The following RTL10 variants were observed in gnomAD, a reference collection of about 807,000 sequenced individuals.
RTL10 encodes protein Bop.
For missense variants in RTL10, 477 were observed against 470.7 expected (o/e 1.01, Z -0.12); for synonymous variants, 199 against 188.4 (o/e 1.06, Z -0.46).
rs1372525076 is a variant in RTL10 at position 19,852,104 on chromosome 22, C to G, written c.158G>C (p.Gly53Ala). ...VDPWIERPCC[G>A]DTVCVRTTME... ...GGTCGTTCGCACACACACGGTGTCC[C>G]CACAGCAGGGCCGCTCAATCCAGGG... Residue 53 changes from glycine to alanine, a missense_variant, in exon 3 of 3, where the codon GGG becomes GCG. Coordinates refer to ENST00000328554, the MANE Select transcript of RTL10 (RefSeq NM_024627.6). 3 of 1,614,244 alleles carry G rather than the reference C, an allele frequency of 1.9e-6. No individual in the cohort carries two copies. The East Asian group carries it at 6.7e-5, about 36-fold the overall frequency.
In RTL10 at chr22:19,854,858, C is replaced by A. The variant is rs2145910735; in HGVS notation, c.-521G>T. Reference sequence around the variant, plus strand: ...TCGGGAACGCCTGCTCCTAGGAGCGCCGCGCAGCGTCCAGAGACCGATTAC... The same window carrying A: ...TCGGGAACGCCTGCTCCTAGGAGCGACGCGCAGCGTCCAGAGACCGATTAC... On this transcript the variant is annotated 5_prime_UTR_variant, in exon 1 of 3. Coordinates refer to ENST00000328554, the MANE Select transcript of RTL10 (RefSeq NM_024627.6). 6.6e-6 allele frequency: 1 copy of A among 152,366 alleles called. No homozygotes were observed. Among genetic ancestry groups the A allele is most frequent in the East Asian group, 1.9e-4 (1 of 5,174 alleles). 9.4% of individuals were successfully genotyped at this position (152,366 alleles called of 1,614,324 possible). A position where few individuals can be genotyped will look rare whatever the true frequency, so the allele number is the denominator to read the frequency against.
chr22:19,846,937 G>A lies in RTL10; in HGVS notation c.*4230C>T, dbSNP rs1937975577. On this transcript the variant is annotated 3_prime_UTR_variant, in exon 3 of 3. Coordinates refer to ENST00000328554, the MANE Select transcript of RTL10 (RefSeq NM_024627.6). ...ACAAACAGGTATGTTGCCCTGGGAT[G>A]GATGCAGGCCCCTCCCATCCTCCCA... 2 of 985,348 alleles carry A rather than the reference G, an allele frequency of 2.0e-6. No homozygotes were observed. The highest frequency in any genetic ancestry group is 6.1e-5 in the Admixed American group (1 of 16,272). The allele number at this position is 985,348 out of a possible 1,614,324, so 61.0% of individuals were successfully genotyped here. A position where few individuals can be genotyped will look rare whatever the true frequency, so the allele number is the denominator to read the frequency against.
chr22:19,852,363 C>T lies in RTL10; in HGVS notation c.-102G>A, dbSNP rs937001742. ...ACACAACAGGACAGGGATGGCTGAA[C>T]AGGGCGTGGCAGACCCGCACTGGTC... is the stretch of plus-strand genomic sequence containing the variant. On this transcript the variant is annotated 5_prime_UTR_variant, in exon 3 of 3. Transcript: ENST00000328554. 2 of 1,294,624 alleles carry T rather than the reference C, an allele frequency of 1.5e-6. No individual in the cohort carries two copies. Among genetic ancestry groups the T allele is most frequent in the Non-Finnish European group, 2.1e-6 (2 of 930,664 alleles). The allele number at this position is 1,294,624 out of a possible 1,614,324, so 80.2% of individuals were successfully genotyped here. A position where few individuals can be genotyped will look rare whatever the true frequency, so the allele number is the denominator to read the frequency against.
At position 19,846,625 on chromosome 22, in the gene RTL10, T is replaced by C; in HGVS notation, c.*4542A>G. The C allele has an allele frequency of 1.1e-6, 1 of 889,706 alleles. No homozygotes were observed. Among genetic ancestry groups the C allele is most frequent in the Non-Finnish European group, 1.3e-6 (1 of 742,434 alleles). 55.1% of individuals were successfully genotyped at this position (889,706 alleles called of 1,614,324 possible). On this transcript the variant is annotated 3_prime_UTR_variant, in exon 3 of 3. Coordinates refer to ENST00000328554, the MANE Select transcript of RTL10 (RefSeq NM_024627.6). Reference sequence around the variant, plus strand: ...ATTTTTATGTTCAAGTCCTAACCCCTAGTACTTACATTTGAAGACAGGGTC... The same window carrying C: ...ATTTTTATGTTCAAGTCCTAACCCCCAGTACTTACATTTGAAGACAGGGTC...
chr22:19,852,327 T>C lies in RTL10; in HGVS notation c.-66A>G, dbSNP rs1601359579. 5 of 1,517,370 alleles carry C rather than the reference T, an allele frequency of 3.3e-6. No homozygotes were observed. In the East Asian group the frequency reaches 9.1e-5, roughly 28 times the overall value. The allele number at this position is 1,517,370 out of a possible 1,614,324, so 94.0% of individuals were successfully genotyped here. A position where few individuals can be genotyped will look rare whatever the true frequency, so the allele number is the denominator to read the frequency against. ...TGGGTGGTGGGGGTGTGGACAGATG[T>C]GGCTTGCACGACACAACAGGACAGG... On this transcript the variant is annotated 5_prime_UTR_variant, in exon 3 of 3. Transcript: ENST00000328554.
In RTL10 at chr22:19,851,254, T is replaced by TC; in HGVS notation, c.1007dup (p.Asp337ArgfsTer135). On this transcript the variant is annotated frameshift_variant, in exon 3 of 3. Transcript: ENST00000328554. LOFTEE classifies it low-confidence loss of function (END_TRUNC). ...GGGTACCTAAGGACACCTCCTGGTC[T>TC]CCCTCTGTCTCCAAAACCTCCTCCT... The TC allele has an allele frequency of 3.7e-6, 6 of 1,608,168 alleles. No homozygotes were observed. Among genetic ancestry groups the TC allele is most frequent in the Non-Finnish European group, 5.1e-6 (6 of 1,177,000 alleles).
Position 19,852,194 on chromosome 22 carries a change from T to C in RTL10, c.68A>G (p.Asn23Ser), listed in dbSNP as rs759266446. The change falls in exon 3 of 3, where the codon AAC becomes AGC. Residue 23 changes from asparagine (N) to serine (S), a missense_variant. Coordinates refer to ENST00000328554, the MANE Select transcript of RTL10 (RefSeq NM_024627.6). ...IPIWAAANYA[N>S]AHPWQQMDKA... is the part of the protein sequence containing the mutation. ...GTCCATCTGCTGCCATGGATGTGCG[T>C]TGGCATAATTGGCGGCTGCCCAGAT... The C allele has an allele frequency of 9.3e-6, 15 of 1,613,782 alleles. No homozygotes were observed. The highest frequency in any genetic ancestry group is 3.3e-5 in the Admixed American group (2 of 60,020).
intron 2 of RTL10, among the ~76,000 whole-genome samples, chr22:19,853,471 C>T (rs769203751): frequency 2.2e-4 from 34 of 152,180 alleles, no homozygotes; most frequent in African/African-American, 9.7e-5. Context: ...TCTCTGCAAA[C>T]GGAGGCCCAC....
chr22:19,850,091 TTC>T lies in RTL10; in HGVS notation c.*1074_*1075del. 1 of 983,350 alleles carries T rather than the reference TTC, an allele frequency of 1.0e-6. No homozygotes were observed. The highest frequency in any genetic ancestry group is 1.2e-6 in the Non-Finnish European group (1 of 828,466). 60.9% of individuals were successfully genotyped at this position (983,350 alleles called of 1,614,324 possible). A position where few individuals can be genotyped will look rare whatever the true frequency, so the allele number is the denominator to read the frequency against. ...CACCCCCTACTCAGCCCCACCCAGC[TTC>T]TTTGATCAGACCCTTGGACCCTCAA... is the stretch of plus-strand genomic sequence containing the variant. On this transcript the variant is annotated 3_prime_UTR_variant, in exon 3 of 3. Coordinates refer to ENST00000328554, the MANE Select transcript of RTL10 (RefSeq NM_024627.6).
Position 19,851,510 on chromosome 22 carries a change from C to T in RTL10, c.752G>A (p.Arg251Lys). Residue 251 changes from arginine (R) to lysine (K), a missense_variant, in exon 3 of 3, where the codon AGA becomes AAA. By Grantham distance (26) the Arg-to-Lys change is conservative. Coordinates refer to ENST00000328554, the MANE Select transcript of RTL10 (RefSeq NM_024627.6). ...PAVSGSNSVSRSALFEQQLTK... is the reference protein window; with the variant it reads ...PAVSGSNSVSKSALFEQQLTK... ...CAGCTGCTGCTCGAACAGAGCACTT[C>T]TAGATACAGAGTTGGACCCAGACAC... 1.2e-6 allele frequency: 2 copies of T among 1,614,132 alleles called. No individual in the cohort carries two copies. Among genetic ancestry groups the T allele is most frequent in the Non-Finnish European group, 1.7e-6 (2 of 1,180,008 alleles).
Position 19,847,740 on chromosome 22 carries a change from G to GTCCACTTC in RTL10, c.*3419_*3426dup. 1 of 970,156 alleles carries GTCCACTTC rather than the reference G, an allele frequency of 1.0e-6. No individual in the cohort carries two copies. The highest frequency in any genetic ancestry group is 1.2e-6 in the Non-Finnish European group (1 of 824,300). 60.1% of individuals were successfully genotyped at this position (970,156 alleles called of 1,614,324 possible). A position where few individuals can be genotyped will look rare whatever the true frequency, so the allele number is the denominator to read the frequency against. Reference sequence around the variant, plus strand: ...GTATTCCCACCAACAGTATGAGAAGGTCCACTTCTCCATACCTCCACAACT... The same window carrying GTCCACTTC: ...GTATTCCCACCAACAGTATGAGAAGGTCCACTTCTCCACTTCTCCATACCTCCACAACT... On this transcript the variant is annotated 3_prime_UTR_variant, in exon 3 of 3. Coordinates refer to ENST00000328554, the MANE Select transcript of RTL10 (RefSeq NM_024627.6).
chr22:19,851,930 G>A lies in RTL10; in HGVS notation c.332C>T (p.Pro111Leu), dbSNP rs144744793. The A allele has an allele frequency of 1.6e-4, 266 of 1,614,068 alleles. No individual in the cohort carries two copies. The highest frequency in any genetic ancestry group is 3.3e-4 in the Middle Eastern group (2 of 6,060). The change falls in exon 3 of 3, where the codon CCG (proline) becomes CTG (leucine). Residue 111 changes from proline (P) to leucine (L), a missense_variant. By Grantham distance (98) the Pro-to-Leu change is moderately conservative. Coordinates refer to ENST00000328554, the MANE Select transcript of RTL10 (RefSeq NM_024627.6). ...GGCCAAGAAGCGGTCCAGTAGCCAC[G>A]GGGAGCCATCAAAGGTGCCTGGGTC... ...GSDPGTFDGS[P>L]WLLDRFLAQL...
In RTL10 at chr22:19,851,372, G is replaced by C; in HGVS notation, c.890C>G (p.Pro297Arg). 6.2e-7 allele frequency: 1 copy of C among 1,614,144 alleles called. No homozygotes were observed. The highest frequency in any genetic ancestry group is 8.5e-7 in the Non-Finnish European group (1 of 1,180,010). The change falls in exon 3 of 3, where the codon CCC becomes CGC. Residue 297 changes from proline to arginine, a missense_variant. Physicochemically the swap from Pro to Arg is moderately radical, Grantham distance 103 (BLOSUM62 -2). Coordinates refer to ENST00000328554, the MANE Select transcript of RTL10 (RefSeq NM_024627.6). ...CTCCGACAGTCTAGGGACAGGTGTGGGGGCTGCCTCCTCTGGCTGGGAAGA... is the reference window on the plus strand; with the variant it reads ...CTCCGACAGTCTAGGGACAGGTGTGCGGGCTGCCTCCTCTGGCTGGGAAGA... The part of the protein sequence containing the change: ...PASSQPEEAA[P>R]TPVPRLSESA...
rs1208670854 is a variant in RTL10, at chr22:19,847,876, T to C, written c.*3291A>G. On this transcript the variant is annotated 3_prime_UTR_variant, in exon 3 of 3. Coordinates refer to ENST00000328554, the MANE Select transcript of RTL10 (RefSeq NM_024627.6). ...TTCATAATTGTAACATTGAAATCTT[T>C]AATCTGGAATATGTACTGGCATAAA... 1.0e-6 allele frequency: 1 copy of C among 973,012 alleles called. No homozygotes were observed. Among genetic ancestry groups the C allele is most frequent in the Non-Finnish European group, 1.2e-6 (1 of 820,044 alleles). The allele number at this position is 973,012 out of a possible 1,614,324, so 60.3% of individuals were successfully genotyped here. A position where few individuals can be genotyped will look rare whatever the true frequency, so the allele number is the denominator to read the frequency against.
Position 19,850,804 on chromosome 22 carries a change from C to A in RTL10, c.*363G>T. The A allele has an allele frequency of 7.7e-7, 1 of 1,293,110 alleles. No individual in the cohort carries two copies. The highest frequency in any genetic ancestry group is 1.5e-5 in the African/African-American group (1 of 66,382). 80.1% of individuals were successfully genotyped at this position (1,293,110 alleles called of 1,614,324 possible). ...TCAGTCCCAGCCAGTGTGGAAGACA[C>A]CAAGGGGGGTGTTTTATGGGGGTGG... On this transcript the variant is annotated 3_prime_UTR_variant, in exon 3 of 3. Coordinates refer to ENST00000328554, the MANE Select transcript of RTL10 (RefSeq NM_024627.6).
In RTL10 at chr22:19,851,132, C is replaced by G. The variant is rs745883853; in HGVS notation, c.*35G>C. On this transcript the variant is annotated 3_prime_UTR_variant, in exon 3 of 3. Coordinates refer to ENST00000328554, the MANE Select transcript of RTL10 (RefSeq NM_024627.6). ...GCTCAAGCCACACAGGCCACTTCATCATGAGGGGCAGCATTGTTCCCACCT... is the reference window on the plus strand; with the variant it reads ...GCTCAAGCCACACAGGCCACTTCATGATGAGGGGCAGCATTGTTCCCACCT... 15 of 1,547,064 alleles carry G rather than the reference C, an allele frequency of 9.7e-6. No homozygotes were observed. The highest frequency in any genetic ancestry group is 1.1e-5 in the Non-Finnish European group (13 of 1,145,260).
Position 19,846,724 on chromosome 22 carries a change from G to A in RTL10, c.*4443C>T, listed in dbSNP as rs1018884401. ...ATCCAATAGACTAGTGAGCTTATGA[G>A]AGATTAGGACACAGACACAGACAGG... On this transcript the variant is annotated 3_prime_UTR_variant, in exon 3 of 3. Transcript: ENST00000328554. 6 of 357,552 alleles carry A rather than the reference G, an allele frequency of 1.7e-5. No homozygotes were observed. The highest frequency in any genetic ancestry group is 2.3e-5 in the Non-Finnish European group (6 of 256,070). 22.1% of individuals were successfully genotyped at this position (357,552 alleles called of 1,614,324 possible). A position where few individuals can be genotyped will look rare whatever the true frequency, so the allele number is the denominator to read the frequency against.
rs1483555869 is a variant in RTL10 at position 19,846,984 on chromosome 22, C to T, written c.*4183G>A. 1 of 985,356 alleles carries T rather than the reference C, an allele frequency of 1.0e-6. No homozygotes were observed. Among genetic ancestry groups the T allele is most frequent in the African/African-American group, 1.7e-5 (1 of 57,250 alleles). 61.0% of individuals were successfully genotyped at this position (985,356 alleles called of 1,614,324 possible). A position where few individuals can be genotyped will look rare whatever the true frequency, so the allele number is the denominator to read the frequency against. On this transcript the variant is annotated 3_prime_UTR_variant, in exon 3 of 3. Coordinates refer to ENST00000328554, the MANE Select transcript of RTL10 (RefSeq NM_024627.6). ...CCCATCCTCAGCAGCACCAACCAGC[C>T]CCACGCTGGGTGGCTGCTTGTACTT...
rs568888462 is a variant in RTL10, at chr22:19,849,246, A to G, written c.*1921T>C. 5.5e-5 allele frequency: 54 copies of G among 985,266 alleles called. 1 individual carries two copies. The South Asian group carries it at 2.2e-3, about 39-fold the overall frequency. The allele number at this position is 985,266 out of a possible 1,614,324, so 61.0% of individuals were successfully genotyped here. Reference sequence around the variant, plus strand: ...AAGGTTTCCAGTTGTTTTACCTACAAGGTATCTGTGCCCTGAAATAACTCA... The same window carrying G: ...AAGGTTTCCAGTTGTTTTACCTACAGGGTATCTGTGCCCTGAAATAACTCA... On this transcript the variant is annotated 3_prime_UTR_variant, in exon 3 of 3. Transcript: ENST00000328554.
Sources: allele counts gnomAD v4.1 joint callset (sites outside exome capture counted in the v4.1 genomes callset), GRCh38; gene constraint gnomAD v4.1.1; transcripts MANE v1.5; gene names NCBI Gene and HGNC (gene_info 2026-07-23, HGNC 2026-07-21).